Variants in DCLRE1A observed in about 807,000 individuals in gnomAD.
DCLRE1A encodes DNA cross-link repair 1A, also known as DNA cross-link repair 1A protein.
A neutral mutation model predicts 91.9 loss-of-function variants in DCLRE1A; 64 were observed. That is an observed-to-expected ratio of 0.70 (90% CI 0.57 to 0.86). The LOEUF (loss-of-function observed/expected upper bound fraction) is 0.86, where lower values mean the gene tolerates loss of function less well. Among genes scored for constraint, DCLRE1A ranks in the 40% least tolerant of loss-of-function variants. The pLI, the probability that DCLRE1A is intolerant of heterozygous loss-of-function variation, is 0.00. For synonymous variants in DCLRE1A, 416 were observed against 431.1 expected (o/e 0.96, Z 0.43); for missense variants, 1,145 against 1,213.3 (o/e 0.94, Z 0.84).
intron 7 of DCLRE1A, 131 bp from the exon 8 acceptor site, chr10:113,837,334 G>A: frequency 1.6e-6 from 1 of 635,148 alleles, no homozygotes; most frequent in Non-Finnish European, 2.5e-6. Flanking sequence ...CAACAACCTA[G>A]TGCTATGCTT....
In DCLRE1A at chr10:113,850,180, T is replaced by A. The variant is rs148325814; in HGVS notation, c.925A>T (p.Thr309Ser). 9.9e-6 allele frequency: 16 copies of A among 1,614,078 alleles called. No individual in the cohort carries two copies. In the African/African-American group the frequency reaches 1.7e-4, roughly 18 times the overall value. Reference sequence around the variant, plus strand: ...TCCGGTTTTTCATCGATATCATGAGTGTCTTCATCACTTTGAAGTGGAGAA... The same window carrying A: ...TCCGGTTTTTCATCGATATCATGAGAGTCTTCATCACTTTGAAGTGGAGAA... Reference protein sequence around the residue: ...SYSPLQSDEDTHDIDEKPDDS... With the variant: ...SYSPLQSDEDSHDIDEKPDDS... Residue 309 changes from threonine to serine, a missense_variant, in exon 2 of 9, where the codon ACT (threonine) becomes TCT (serine). Physicochemically the swap from Thr to Ser is moderately conservative, Grantham distance 58. Transcript: ENST00000361384.
intron 7 of DCLRE1A, among the ~76,000 whole-genome samples, chr10:113,837,915 A>G (rs1277436663): frequency 6.6e-6 from 1 of 152,156 alleles, no homozygotes; most frequent in Non-Finnish European, 1.5e-5. Context: ...TACAAATAAT[A>G]ATGGCACGAG....
chr10:113,842,277 G>A, intron 6 of DCLRE1A, 66 bp downstream of exon 6: 2 of 1,312,112 alleles, frequency 1.5e-6, no homozygotes, highest in East Asian at 2.5e-5. Context: ...AACTGAAAGG[G>A]CATTATGCAA....
Position 113,852,839 on chromosome 10 carries a change from C to A in DCLRE1A, c.344G>T (p.Arg115Leu), listed in dbSNP as rs550737997. The change falls in exon 1 of 9, where the codon CGT becomes CTT. Residue 115 changes from arginine to leucine, a missense_variant. Physicochemically the swap from Arg to Leu is moderately radical, Grantham distance 102 (BLOSUM62 -2). Coordinates refer to ENST00000361384, the MANE Select transcript of DCLRE1A (RefSeq NM_014881.5). Reference sequence around the variant, plus strand: ...TGGACAGTATCCATCATAAACTGGACGTATCTTTGGGGACACGTGTTGGCT... The same window carrying A: ...TGGACAGTATCCATCATAAACTGGAAGTATCTTTGGGGACACGTGTTGGCT... ...QKSQHVSPKI[R>L]PVYDGYCPNC... 6.2e-7 allele frequency: 1 copy of A among 1,614,166 alleles called. No individual in the cohort carries two copies.
intron 4 of DCLRE1A, 132 bp from the exon 5 acceptor site, chr10:113,844,376 G>A: frequency 8.4e-7 from 1 of 1,192,286 alleles, no homozygotes; most frequent in Non-Finnish European, 1.1e-6. Flanking sequence ...TACAGGAAAT[G>A]CGGCACTTCA....
chr10:113,840,284 ACT>A (rs1279432910), intron 7 of DCLRE1A, among the ~76,000 whole-genome samples: 1 of 131,960 alleles, frequency 7.6e-6, no homozygotes, highest in East Asian at 2.2e-4. Context: ...ACAGGGCGAG[ACT>A]CTGTCTCCAA....
chr10:113,842,283 T>C lies in DCLRE1A; in HGVS notation c.2665+60A>G, dbSNP rs1168433783. The C allele has an allele frequency of 3.6e-6, 5 of 1,385,534 alleles. No individual in the cohort carries two copies. In the African/African-American group the frequency reaches 4.3e-5, roughly 12 times the overall value. 85.8% of individuals were successfully genotyped at this position (1,385,534 alleles called of 1,614,324 possible). On this transcript the variant is annotated intron_variant, in intron 6 of 8. Coordinates refer to ENST00000361384, the MANE Select transcript of DCLRE1A (RefSeq NM_014881.5). ...AAGAGTAGAAACTGAAAGGGCATTA[T>C]GCAAAAAGAATCTGATCTTTATAAT...
chr10:113,837,197 G>GT lies in DCLRE1A; in HGVS notation c.2826dup (p.Gln943ThrfsTer26). 6.2e-7 allele frequency: 1 copy of GT among 1,608,066 alleles called. No homozygotes were observed. Among genetic ancestry groups the GT allele is most frequent in the Non-Finnish European group, 8.5e-7 (1 of 1,178,252 alleles). On this transcript the variant is annotated frameshift_variant, in exon 8 of 9. Transcript: ENST00000361384. LOFTEE classifies it high-confidence loss of function. ...CCACCACACTTCTTCAAATGACTCT[G>GT]TAAGCCCTGTTAAATTAAAATAGCA... is the stretch of plus-strand genomic sequence containing the variant.
chr10:113,837,356 T>A (rs535712383), intron 7 of DCLRE1A, among the ~76,000 whole-genome samples, 153 bp from the exon 8 acceptor site: 1 of 151,906 alleles, frequency 6.6e-6, no homozygotes, highest in African/African-American at 2.4e-5. Context: ...TAAAAAATAA[T>A]CACTGAAAAA....
chr10:113,848,999 T>C lies in DCLRE1A; in HGVS notation c.2106A>G (p.Pro702=), dbSNP rs770391719. 5 of 1,612,906 alleles carry C rather than the reference T, an allele frequency of 3.1e-6. No homozygotes were observed. The highest frequency in any genetic ancestry group is 1.7e-5 in the Admixed American group (1 of 59,750). Residue 702 remains proline, a synonymous_variant, in exon 2 of 9, where the codon CCA becomes CCG. Transcript: ENST00000361384. ...NVGGSRKKTC[P]FYKKIPGTGF... ...ACTTACCAGGTATTTTCTTATAGAA[T>C]GGACATGTCTTTTTTCTTGATCCTC... is the stretch of plus-strand genomic sequence containing the variant.
intron 2 of DCLRE1A, among the ~76,000 whole-genome samples, chr10:113,848,174 G>A (rs780107103): frequency 2.0e-5 from 3 of 152,198 alleles, no homozygotes; most frequent in African/African-American, 7.2e-5. Context: ...AAAATTAGCC[G>A]GGCGTTGTGG....
chr10:113,844,272 A>AT (rs1359493446), intron 4 of DCLRE1A, 28 bp from the exon 5 acceptor site: 3 of 1,612,382 alleles, frequency 1.9e-6, no homozygotes, highest in Non-Finnish European at 2.5e-6. Flanking sequence ...AGGAATGTTC[A>AT]TAACACAGGC....
chr10:113,844,794 G>C (rs929782209), intron 4 of DCLRE1A, among the ~76,000 whole-genome samples: 1 of 152,106 alleles, frequency 6.6e-6, no homozygotes, highest in African/African-American at 2.4e-5. Flanking sequence ...AAATTAGCCA[G>C]GTGTGGTGGT....
At chr10:113,839,153 A>G (rs556327175) in intron 7 of DCLRE1A, among the ~76,000 whole-genome samples, 32 of 151,958 alleles carry the variant, frequency 2.1e-4, no homozygotes, top group East Asian at 9.7e-4. Context: ...GTGAAACCCC[A>G]TCTCTACTAA....
Position 113,843,162 on chromosome 10 carries a change from T to G in DCLRE1A, c.2520-674A>C, listed in dbSNP as rs75509552. On this transcript the variant is annotated intron_variant, in intron 5 of 8. Coordinates refer to ENST00000361384, the MANE Select transcript of DCLRE1A (RefSeq NM_014881.5). ...CTACTATCTATCTATCTATATTTGA[T>G]ATGAAAAGTAAGCACTTTTTCACTA... 3.4e-3 allele frequency among the ~76,000 whole-genome samples: 523 copies of G among 152,172 alleles called. 4 individuals carry two copies. Among genetic ancestry groups the G allele is most frequent in the African/African-American group, 0.012 (493 of 41,522 alleles).
intron 1 of DCLRE1A, among the ~76,000 whole-genome samples, chr10:113,851,986 A>G (rs1233851363): frequency 2.0e-5 from 3 of 152,196 alleles, no homozygotes; most frequent in Non-Finnish European, 4.4e-5. Context: ...TACTGGGATT[A>G]CTGGCATGAG....
At chr10:113,836,590 G>T (rs575253554) in intron 8 of DCLRE1A, among the ~76,000 whole-genome samples, 6 of 152,200 alleles carry the variant, frequency 3.9e-5, no homozygotes, top group African/African-American at 9.6e-5. Context: ...GAGGCTGAGG[G>T]TAAATCACTG....
rs139812297 is a variant in DCLRE1A, at chr10:113,852,855, C to T, written c.328G>A (p.Val110Met). 52 of 1,614,014 alleles carry T rather than the reference C, an allele frequency of 3.2e-5. No homozygotes were observed. In the African/African-American group the frequency reaches 6.0e-4, roughly 19 times the overall value. The change falls in exon 1 of 9, where the codon GTG (valine) becomes ATG (methionine). Residue 110 changes from valine to methionine, a missense_variant. Val to Met is a conservative substitution (Grantham distance 21, BLOSUM62 1). Transcript: ENST00000361384. ...KLCRTQKSQH[V>M]SPKIRPVYDG... ...TAAACTGGACGTATCTTTGGGGACA[C>T]GTGTTGGCTTTTTTGAGTTCTACAG...
intron 4 of DCLRE1A, 49 bp from the exon 5 acceptor site, chr10:113,844,293 A>C (rs759099788): frequency 6.2e-7 from 1 of 1,607,204 alleles, no homozygotes; most frequent in Non-Finnish European, 8.5e-7. Context: ...AAGCACCTAA[A>C]GGAACAGTAT....
Sources: allele counts gnomAD v4.1 joint callset (sites outside exome capture counted in the v4.1 genomes callset), GRCh38; gene constraint gnomAD v4.1.1; transcripts MANE v1.5; gene names NCBI Gene and HGNC (gene_info 2026-07-23, HGNC 2026-07-21).